Variants in VWA2 observed in about 807,000 individuals in gnomAD.
VWA2 encodes von Willebrand factor A domain containing 2, also known as von Willebrand factor A domain-containing protein 2.
VWA2 carries 73 observed loss-of-function variants against 70.4 expected under a neutral mutation model. That is an observed-to-expected ratio of 1.04 (90% CI 0.86 to 1.26). The LOEUF (loss-of-function observed/expected upper bound fraction) is 1.26, where lower values mean the gene tolerates loss of function less well. VWA2 is among the 50% of genes most tolerant of loss of function. The pLI is 0.00. For missense variants in VWA2, 1,011 were observed against 998.5 expected (o/e 1.01, Z -0.17); for synonymous variants, 407 against 423.3 (o/e 0.96, Z 0.47).
In VWA2 at chr10:114,286,893, A is replaced by G. The variant is rs1185200216; in HGVS notation, c.1570+382A>G. 2.0e-5 allele frequency among the ~76,000 whole-genome samples: 3 copies of G among 152,194 alleles called. No individual in the cohort carries two copies. In the East Asian group the frequency reaches 5.8e-4, roughly 29 times the overall value. ...CAGCTTCCCAGCTCCTTTGATGGCA[A>G]TCCACAGAAAAGTGTGTTCCTGGTG... On this transcript the variant is annotated intron_variant, in intron 11 of 13. Transcript: ENST00000392982.
intron 4 of VWA2, among the ~76,000 whole-genome samples, chr10:114,260,454 C>T (rs1173802176): frequency 6.6e-6 from 1 of 152,196 alleles, no homozygotes; most frequent in Non-Finnish European, 1.5e-5. Context: ...CCTGGCCTTT[C>T]CTCTAGCTTG....
intron 11 of VWA2, among the ~76,000 whole-genome samples, chr10:114,286,960 G>A (rs1458263099): frequency 6.6e-6 from 1 of 152,222 alleles, no homozygotes; most frequent in Non-Finnish European, 1.5e-5. Flanking sequence ...ACGGATGCAT[G>A]TGCATGCACA....
chr10:114,275,281 T>C (rs982159578), intron 6 of VWA2, among the ~76,000 whole-genome samples: 5 of 152,180 alleles, frequency 3.3e-5, no homozygotes, highest in African/African-American at 1.2e-4. Flanking sequence ...TCATCAATCA[T>C]TGTGATCAGC....
chr10:114,283,708 C>T (rs2038493901), intron 9 of VWA2, among the ~76,000 whole-genome samples: 1 of 152,176 alleles, frequency 6.6e-6, no homozygotes, highest in Admixed American at 6.5e-5. Context: ...GAAATGGGAC[C>T]ATGCGTGTAT....
At chr10:114,291,159 T>C in intron 13 of VWA2, 59 bp from the exon 14 acceptor site, 1 of 1,547,834 alleles carries the variant, frequency 6.5e-7, no homozygotes, top group Non-Finnish European at 8.7e-7. Flanking sequence ...CAGAGGCTGC[T>C]GGAGGGCTGA....
At chr10:114,246,504 T>TAAAAAAAAAAAAAAAAAAAAA (rs2037072441) in intron 1 of VWA2, 1 of 435,282 alleles carries the variant, frequency 2.3e-6, no homozygotes, top group Non-Finnish European at 3.6e-6. Context: ...AAACTCCATC[T>TAAAAAAAAAAAAAAAAAAAAA]CAAAAAAAAA....
chr10:114,289,343 G>T lies in VWA2; in HGVS notation c.1976G>T (p.Gly659Val). ...AVPAQKLRNN[G>V]ISVLVVGVGP... ...CCTGCCCAGAAGCTGAGGAACAATG[G>T]CATCTCTGTCTTGGTCGTGGGCGTG... Residue 659 changes from glycine (G) to valine (V), a missense_variant, in exon 12 of 14, where the codon GGC (glycine) becomes GTC (valine). Physicochemically the swap from Gly to Val is moderately radical, Grantham distance 109. Transcript: ENST00000392982. 1.9e-6 allele frequency: 3 copies of T among 1,614,250 alleles called. No individual in the cohort carries two copies. The highest frequency in any genetic ancestry group is 2.5e-6 in the Non-Finnish European group (3 of 1,180,046).
intron 2 of VWA2, among the ~76,000 whole-genome samples, chr10:114,252,644 ATCTCCTTCAC>A (rs2037221813): frequency 6.6e-6 from 1 of 151,432 alleles, no homozygotes; most frequent in African/African-American, 2.4e-5. Flanking sequence ...TCCCTGCTGA[ATCTCCTTCAC>A]CTCTCTCCAC....
intron 8 of VWA2, among the ~76,000 whole-genome samples, chr10:114,279,233 C>G (rs556889339): frequency 5.6e-4 from 86 of 152,252 alleles, no homozygotes; most frequent in African/African-American, 1.9e-3. Flanking sequence ...GATAGAGATC[C>G]TCAGATGAAT....
Position 114,289,180 on chromosome 10 carries a change from G to C in VWA2, c.1813G>C (p.Gly605Arg). The C allele has an allele frequency of 6.2e-7, 1 of 1,613,690 alleles. No homozygotes were observed. The highest frequency in any genetic ancestry group is 2.2e-5 in the East Asian group (1 of 44,856). Reference protein sequence around the residue: ...LRAISQAPYLGGVGSAGTALL... With the variant: ...LRAISQAPYLRGVGSAGTALL... ...GGCCATTAGCCAGGCCCCCTACCTA[G>C]GTGGGGTGGGCTCAGCCGGCACCGC... The change falls in exon 12 of 14, where the codon GGT becomes CGT. Residue 605 changes from glycine (G) to arginine (R), a missense_variant. By Grantham distance (125) the Gly-to-Arg change is moderately radical. Coordinates refer to ENST00000392982, the MANE Select transcript of VWA2 (RefSeq NM_001272046.2).
At chr10:114,241,166 G>A (rs557038244) in intron 1 of VWA2, among the ~76,000 whole-genome samples, 4 of 152,122 alleles carry the variant, frequency 2.6e-5, no homozygotes, top group Non-Finnish European at 5.9e-5. Flanking sequence ...CCCATTGTCA[G>A]CATCCCCCAC....
chr10:114,286,038 T>G lies in VWA2; in HGVS notation c.1097T>G (p.Val366Gly), dbSNP rs1299428134. The part of the protein sequence containing the change: ...LDGFLRAKVF[V>G]KRFVRAVLSE... ...GGCTTCCTGCGGGCCAAAGTCTTCG[T>G]GAAGCGGTTTGTGCGGGCCGTGCTG... The change falls in exon 11 of 14, where the codon GTG becomes GGG. Residue 366 changes from valine to glycine, a missense_variant. Physicochemically the swap from Val to Gly is moderately radical, Grantham distance 109. Transcript: ENST00000392982. 1.2e-6 allele frequency: 2 copies of G among 1,614,184 alleles called. No homozygotes were observed. The highest frequency in any genetic ancestry group is 1.7e-5 in the Admixed American group (1 of 60,034).
At chr10:114,289,535 C>T in intron 12 of VWA2, 46 bp downstream of exon 12, 1 of 1,603,584 alleles carries the variant, frequency 6.2e-7, no homozygotes, top group Non-Finnish European at 8.5e-7. Context: ...CATGGCAGGC[C>T]CTCAGCCTGA....
chr10:114,271,608 A>AACACACACACACACACACACACACACAC (rs142127208), intron 5 of VWA2, among the ~76,000 whole-genome samples: 126 of 144,788 alleles, frequency 8.7e-4, no homozygotes, highest in African/African-American at 3.0e-3. Context: ...GAGAAGTAAA[A>AACACACACACACACACACACACACACAC]ACACACACAC....
chr10:114,259,363 C>T (rs1435783055), intron 4 of VWA2, among the ~76,000 whole-genome samples: 1 of 152,000 alleles, frequency 6.6e-6, no homozygotes, highest in African/African-American at 2.4e-5. Flanking sequence ...TTCCCAGACA[C>T]CTTTTTATAT....
At position 114,289,055 on chromosome 10, in the gene VWA2, T is replaced by G. The variant is rs2039262004; in HGVS notation, c.1688T>G (p.Val563Gly). 2.5e-6 allele frequency: 4 copies of G among 1,614,134 alleles called. No homozygotes were observed. The highest frequency in any genetic ancestry group is 2.5e-6 in the Non-Finnish European group (3 of 1,180,018). Residue 563 changes from valine to glycine, a missense_variant, in exon 12 of 14, where the codon GTG becomes GGG. Physicochemically the swap from Val to Gly is moderately radical, Grantham distance 109. Coordinates refer to ENST00000392982, the MANE Select transcript of VWA2 (RefSeq NM_001272046.2). ...AGAAGCTGTGCCCTCCAGTTTGAGG[T>G]GAACCCTGACGTGACACAGGTCGGC... ...FVRSCALQFEVNPDVTQVGLV... is the reference protein window; with the variant it reads ...FVRSCALQFEGNPDVTQVGLV...
At chr10:114,261,875 C>T (rs1013428101) in intron 5 of VWA2, among the ~76,000 whole-genome samples, 2 of 152,122 alleles carry the variant, frequency 1.3e-5, no homozygotes, top group African/African-American at 4.8e-5. Context: ...GCAGGCTGTA[C>T]AGGAAGCATA....
At chr10:114,289,636 C>T in intron 12 of VWA2, 147 bp downstream of exon 12, 1 of 870,124 alleles carries the variant, frequency 1.1e-6, no homozygotes, top group South Asian at 1.6e-5. Context: ...AAACCCCATG[C>T]TCACATAAAA....
chr10:114,286,279 T>C lies in VWA2; in HGVS notation c.1338T>C (p.Arg446=). 1 of 1,610,568 alleles carries C rather than the reference T, an allele frequency of 6.2e-7. No individual in the cohort carries two copies. ...CCAGGACAGGCCAGGACCGGCCACGTAGAGTGGTGGTTTTGCTCACTGAGT... is the reference window on the plus strand; with the variant it reads ...CCAGGACAGGCCAGGACCGGCCACGCAGAGTGGTGGTTTTGCTCACTGAGT... ...SATRTGQDRP[R]RVVVLLTESH... is the part of the protein sequence containing the mutation. Residue 446 remains arginine (R), a synonymous_variant, in exon 11 of 14, where the codon CGT becomes CGC. Transcript: ENST00000392982.
Sources: allele counts gnomAD v4.1 joint callset (sites outside exome capture counted in the v4.1 genomes callset), GRCh38; gene constraint gnomAD v4.1.1; transcripts MANE v1.5; gene names NCBI Gene and HGNC (gene_info 2026-07-23, HGNC 2026-07-21).